Variants in PCDHGB3 observed in about 807,000 individuals in gnomAD.
PCDHGB3 encodes protocadherin gamma-B3.
A neutral mutation model predicts 59.2 loss-of-function variants in PCDHGB3; 40 were observed. That is an observed-to-expected ratio of 0.68 (90% CI 0.52 to 0.88). The LOEUF is 0.88. PCDHGB3 is among the 40% of genes least tolerant of loss of function. The pLI, the probability that PCDHGB3 is intolerant of heterozygous loss-of-function variation, is 0.00. For synonymous variants in PCDHGB3, 581 were observed against 503.6 expected, an observed-to-expected ratio of 1.15 and a Z score of -2.06; for missense variants, 1,309 against 1,187.9, an observed-to-expected ratio of 1.10 and a Z score of -1.50.
At chr5:141,392,775 A>G in intron 1 of PCDHGB3, 1 of 1,524,280 alleles carries the variant, frequency 6.6e-7, no homozygotes, top group Non-Finnish European at 8.8e-7. Context: ...CCATTTATGC[A>G]CAGTGAAGAT....
chr5:141,428,368 C>T, intron 1 of PCDHGB3: 1 of 545,002 alleles, frequency 1.8e-6, no homozygotes, highest in Non-Finnish European at 3.4e-6. Context: ...GGTCGCCTTG[C>T]ACCTGCGATG....
chr5:141,415,269 G>T, intron 1 of PCDHGB3: 1 of 1,614,228 alleles, frequency 6.2e-7, no homozygotes, highest in African/African-American at 1.3e-5. Flanking sequence ...TGTACCTGGT[G>T]GTAGCGGTGG....
intron 1 of PCDHGB3, chr5:141,478,437 A>G (rs2099455876): frequency 6.2e-7 from 1 of 1,613,758 alleles, no homozygotes; most frequent in African/African-American, 1.3e-5. Flanking sequence ...CCGCTGCTGA[A>G]GAAACCTGGT....
intron 2 of PCDHGB3, among the ~76,000 whole-genome samples, chr5:141,503,700 C>G (rs2099828974): frequency 6.6e-6 from 1 of 152,016 alleles, no homozygotes; most frequent in Non-Finnish European, 1.5e-5. Flanking sequence ...GAGATTCCTG[C>G]TTTCCCCTTC....
chr5:141,468,983 AATT>A (rs958294955), intron 1 of PCDHGB3, among the ~76,000 whole-genome samples: 5 of 148,376 alleles, frequency 3.4e-5, no homozygotes, highest in Admixed American at 6.8e-5. Context: ...TGACTTCCAA[AATT>A]ATTGTTTTTG....
Position 141,431,352 on chromosome 5 carries a change from G to C in PCDHGB3, c.2415+58543G>C. Reference sequence around the variant, plus strand: ...AAGTACCCCGAATTGGTGCTGAAACGCGCCCTGGACCGCGAAGAAAAGGCT... The same window carrying C: ...AAGTACCCCGAATTGGTGCTGAAACCCGCCCTGGACCGCGAAGAAAAGGCT... On this transcript the variant is annotated intron_variant, in intron 1 of 3. Coordinates refer to ENST00000576222, the MANE Select transcript of PCDHGB3 (RefSeq NM_018924.5). This position sits in a 1 kb window ranked among gnomAD's most constrained non-coding sequence, Gnocchi z 4.8. The C allele has an allele frequency of 6.2e-7, 1 of 1,614,044 alleles. No individual in the cohort carries two copies. The highest frequency in any genetic ancestry group is 8.5e-7 in the Non-Finnish European group (1 of 1,180,032).
intron 1 of PCDHGB3, among the ~76,000 whole-genome samples, chr5:141,452,165 C>G (rs917431071): frequency 2.6e-5 from 4 of 152,120 alleles, no homozygotes; most frequent in African/African-American, 9.7e-5. Flanking sequence ...TATTCTATTA[C>G]TAACATTTTT....
intron 1 of PCDHGB3, among the ~76,000 whole-genome samples, chr5:141,433,837 C>CAAAAAAAA (rs56191208): frequency 1.9e-4 from 21 of 111,692 alleles, no homozygotes; most frequent in Admixed American, 5.9e-4. Context: ...AACTCTATCT[C>CAAAAAAAA]AAAAAAAAAA....
chr5:141,413,762 C>T (rs538764130), intron 1 of PCDHGB3: 3 of 1,612,894 alleles, frequency 1.9e-6, no homozygotes, highest in Admixed American at 1.7e-5. Flanking sequence ...GTCAAGTACC[C>T]GGAGCTGGTA....
At chr5:141,494,979 T>C in intron 2 of PCDHGB3, 114 bp downstream of exon 2, 1 of 1,571,464 alleles carries the variant, frequency 6.4e-7, no homozygotes, top group Admixed American at 1.8e-5. Flanking sequence ...TCCCTCAGTT[T>C]GAGATCCCAG....
intron 1 of PCDHGB3, chr5:141,430,740 A>C (rs1485485180): frequency 5.3e-6 from 8 of 1,497,664 alleles, no homozygotes; most frequent in Non-Finnish European, 7.1e-6. Context: ...AATTGAAAAT[A>C]ATTCTGGAGG....
At position 141,371,667 on chromosome 5, in the gene PCDHGB3, A is replaced by G; in HGVS notation, c.1273A>G (p.Thr425Ala). ...AGAATACAATGTGACGATCACAGCT[A>G]CCGACAAAGGCAATCCACCGCTCTC... The part of the protein sequence containing the change: ...IPEYNVTITA[T>A]DKGNPPLSSS... The change falls in exon 1 of 4, where the codon ACC (threonine) becomes GCC (alanine). Residue 425 changes from threonine to alanine, a missense_variant. Transcript: ENST00000576222. 1 of 1,614,022 alleles carries G rather than the reference A, an allele frequency of 6.2e-7. No individual in the cohort carries two copies. The highest frequency in any genetic ancestry group is 8.5e-7 in the Non-Finnish European group (1 of 1,179,892).
chr5:141,421,715 T>G (rs756472123), intron 1 of PCDHGB3: 1 of 1,613,960 alleles, frequency 6.2e-7, no homozygotes, highest in Admixed American at 1.7e-5. Context: ...GATCCAGATG[T>G]GGGCGTGAAC....
intron 1 of PCDHGB3, chr5:141,410,230 C>T (rs759582867): frequency 6.2e-7 from 1 of 1,614,006 alleles, no homozygotes; most frequent in Admixed American, 1.7e-5. Flanking sequence ...CAGACCTCAG[C>T]GACCGCCCTG....
In PCDHGB3 at chr5:141,410,139, T is replaced by C. The variant is rs73279096; in HGVS notation, c.2415+37330T>C. ...GCCCGCCAGCGCCTGCTGGTCGCTG[T>C]GCGTGACGGTGGACAGCCGCCACTC... On this transcript the variant is annotated intron_variant, in intron 1 of 3. Coordinates refer to ENST00000576222, the MANE Select transcript of PCDHGB3 (RefSeq NM_018924.5). The C allele has an allele frequency of 1.6e-4, 252 of 1,612,722 alleles. No individual in the cohort carries two copies. In the African/African-American group the frequency reaches 3.0e-3, roughly 19 times the overall value.
chr5:141,384,530 G>A, intron 1 of PCDHGB3: 6 of 1,614,238 alleles, frequency 3.7e-6, no homozygotes, highest in Non-Finnish European at 5.1e-6. Flanking sequence ...CCTCTCAGCA[G>A]CAACATGTCA....
At chr5:141,398,857 C>A in intron 1 of PCDHGB3, 2 of 1,613,918 alleles carry the variant, frequency 1.2e-6, no homozygotes, top group Middle Eastern at 1.6e-4. Flanking sequence ...GGTATTCAAC[C>A]GAGACGTGTA....
chr5:141,384,576 G>A (rs757254740), intron 1 of PCDHGB3: 18 of 1,614,060 alleles, frequency 1.1e-5, no homozygotes, highest in South Asian at 7.7e-5. Context: ...ATGACAACCC[G>A]CCCGAGATCC....
chr5:141,484,123 T>C (rs2099592351), intron 1 of PCDHGB3, among the ~76,000 whole-genome samples: 1 of 152,174 alleles, frequency 6.6e-6, no homozygotes, highest in South Asian at 2.1e-4. Flanking sequence ...AAGAATACCT[T>C]GGTGTCAGAT....
Sources: gnomAD v4.1 joint callset for allele counts (sites outside exome capture counted in the v4.1 genomes callset) on GRCh38, gnomAD v4.1.1 for gene constraint, Gnocchi (gnomAD v3.1) non-coding constraint, MANE v1.5 for transcripts, NCBI Gene and HGNC (gene_info 2026-07-23, HGNC 2026-07-21) for gene names.